Variants in RABGAP1L observed in about 807,000 individuals in gnomAD.
RABGAP1L encodes rab GTPase-activating protein 1-like.
RABGAP1L carries 63 observed loss-of-function variants against 137.7 expected under a neutral mutation model. That is an observed-to-expected ratio of 0.46 (90% CI 0.37 to 0.56). RABGAP1L has a LOEUF of 0.56. Among genes scored for constraint, RABGAP1L ranks in the 20% least tolerant of loss-of-function variants. The pLI is 0.00. For missense variants in RABGAP1L, 1,095 were observed against 1,244.0 expected, an observed-to-expected ratio of 0.88 and a Z score of 1.80; for synonymous variants, 431 against 433.7, an observed-to-expected ratio of 0.99 and a Z score of 0.08.
At chr1:174,989,003 C>T (rs10218557) in intron 25 of RABGAP1L, among the ~76,000 whole-genome samples, 165 bp downstream of exon 25, 1,526 of 152,088 alleles carry the variant, frequency 0.01, 22 homozygotes, top group African/African-American at 0.035. Context: ...GTATTCTTAA[C>T]GCTGATATAA....
At chr1:174,282,215 C>G (rs567716572) in intron 10 of RABGAP1L, among the ~76,000 whole-genome samples, 1 of 152,160 alleles carries the variant, frequency 6.6e-6, no homozygotes, top group African/African-American at 2.4e-5. Context: ...AACTGCCAAA[C>G]TGTTTTCTAC....
intron 13 of RABGAP1L, among the ~76,000 whole-genome samples, chr1:174,419,213 A>G (rs16846995): frequency 0.06 from 9,199 of 152,210 alleles, 982 homozygotes; most frequent in African/African-American, 0.21. Flanking sequence ...TACCTAGGAC[A>G]GATCTCAAAG....
chr1:174,414,948 G>T (rs1650379077), intron 13 of RABGAP1L, among the ~76,000 whole-genome samples: 1 of 151,866 alleles, frequency 6.6e-6, no homozygotes, highest in South Asian at 2.1e-4. Context: ...GAAAGCCATT[G>T]AGTGAATTTA....
chr1:174,364,400 G>A (rs1300875493), intron 11 of RABGAP1L, among the ~76,000 whole-genome samples: 5 of 148,734 alleles, frequency 3.4e-5, no homozygotes, highest in South Asian at 4.3e-4. Context: ...GACTACAGGC[G>A]CCCGCCACTA....
intron 11 of RABGAP1L, among the ~76,000 whole-genome samples, chr1:174,308,760 G>C (rs1037130083): frequency 1.3e-5 from 2 of 151,996 alleles, no homozygotes; most frequent in African/African-American, 4.8e-5. Flanking sequence ...ATCTCATGTT[G>C]TTTTGGTTAC....
intron 1 of RABGAP1L, among the ~76,000 whole-genome samples, chr1:174,186,877 T>C (rs1357420814): frequency 6.6e-6 from 1 of 152,250 alleles, no homozygotes; most frequent in Non-Finnish European, 1.5e-5. Context: ...TTGGTCTTTC[T>C]TTCATCCATT....
intron 1 of RABGAP1L, among the ~76,000 whole-genome samples, chr1:174,193,769 A>G (rs1254887311): frequency 1.3e-5 from 2 of 152,198 alleles, no homozygotes; most frequent in Non-Finnish European, 2.9e-5. Flanking sequence ...ATAGGGGTCA[A>G]CTGTACATTA....
intron 13 of RABGAP1L, among the ~76,000 whole-genome samples, chr1:174,497,523 TC>T (rs1466253002): frequency 6.6e-6 from 1 of 152,176 alleles, no homozygotes; most frequent in Non-Finnish European, 1.5e-5. Flanking sequence ...ATGTTCCTTC[TC>T]CCCCACTCCC....
intron 1 of RABGAP1L, among the ~76,000 whole-genome samples, chr1:174,207,832 T>C (rs1053372873): frequency 4.6e-5 from 7 of 152,300 alleles, no homozygotes; most frequent in Middle Eastern, 3.4e-3. Context: ...TTTTGGTACT[T>C]TGTGTCTTTT....
At chr1:174,349,726 CG>C (rs1312483041) in intron 11 of RABGAP1L, among the ~76,000 whole-genome samples, 1 of 131,476 alleles carries the variant, frequency 7.6e-6, no homozygotes, top group Non-Finnish European at 1.7e-5. Context: ...GCTGGCCGGG[CG>C]GGGGGCTGAC....
At chr1:174,223,442 CAAAAAA>C (rs370743713) in intron 3 of RABGAP1L, among the ~76,000 whole-genome samples, 1 of 53,352 alleles carries the variant, frequency 1.9e-5, no homozygotes, top group Non-Finnish European at 3.7e-5. Context: ...GACTCCATCT[CAAAAAA>C]AAAAAAAAAA....
intron 14 of RABGAP1L, among the ~76,000 whole-genome samples, chr1:174,642,639 C>T (rs1002819922): frequency 3.2e-4 from 48 of 151,576 alleles, no homozygotes; most frequent in African/African-American, 1.1e-3. Context: ...TTATAGTCCT[C>T]TCTCCTCTCC....
intron 1 of RABGAP1L, among the ~76,000 whole-genome samples, chr1:174,171,389 T>C (rs935179657): frequency 4.6e-5 from 7 of 152,190 alleles, no homozygotes; most frequent in Admixed American, 2.6e-4. Flanking sequence ...AATCATGAAA[T>C]GATTTTTATG....
At chr1:174,682,485 T>A (rs1678156142) in intron 14 of RABGAP1L, among the ~76,000 whole-genome samples, 1 of 151,710 alleles carries the variant, frequency 6.6e-6, no homozygotes, top group Admixed American at 6.6e-5. Flanking sequence ...GTCCTGTCCC[T>A]TAAGAAAAAA....
At chr1:174,617,445 T>C (rs1397338872) in intron 13 of RABGAP1L, among the ~76,000 whole-genome samples, 3 of 152,246 alleles carry the variant, frequency 2.0e-5, no homozygotes, top group African/African-American at 4.8e-5. Context: ...TTTAATTTAC[T>C]GAAGTGACCT....
intron 19 of RABGAP1L, among the ~76,000 whole-genome samples, chr1:174,924,522 T>A (rs1446941437): frequency 6.6e-6 from 1 of 151,980 alleles, no homozygotes; most frequent in African/African-American, 2.4e-5. Flanking sequence ...CTCTAAAGGA[T>A]GACTTTGCTT....
chr1:174,378,241 A>C (rs1685750677), intron 12 of RABGAP1L, among the ~76,000 whole-genome samples: 1 of 151,392 alleles, frequency 6.6e-6, no homozygotes, highest in Non-Finnish European at 1.5e-5. Context: ...TGCCGCAATA[A>C]ACATACGTGT....
intron 14 of RABGAP1L, among the ~76,000 whole-genome samples, chr1:174,678,470 C>CA (rs146060051): frequency 0.017 from 2,422 of 143,550 alleles, 42 homozygotes; most frequent in African/African-American, 0.058. Flanking sequence ...CAAAACAAAA[C>CA]AAAAAAAAAA....
chr1:174,242,343 C>G (rs570309031), intron 5 of RABGAP1L, among the ~76,000 whole-genome samples: 1 of 151,992 alleles, frequency 6.6e-6, no homozygotes, highest in African/African-American at 2.4e-5. Flanking sequence ...TTGAATTATC[C>G]CCAATTTTAA....
Sources: allele counts gnomAD v4.1 joint callset (sites outside exome capture counted in the v4.1 genomes callset), GRCh38; gene constraint gnomAD v4.1.1; transcripts MANE v1.5; gene names NCBI Gene and HGNC (gene_info 2026-07-23, HGNC 2026-07-21).